UHRF2: variants seen among roughly 807,000 people sequenced by gnomAD.
The protein encoded by UHRF2 is ubiquitin like with PHD and ring finger domains 2.
A neutral mutation model predicts 96.8 loss-of-function variants in UHRF2; 23 were observed. The observed-to-expected ratio is 0.24, with a 90% CI of 0.17 to 0.34. The LOEUF is 0.34. Ranked by LOEUF, UHRF2 falls within the 10% of genes least tolerant of loss-of-function variation. UHRF2 has a pLI of 1.00. For missense variants in UHRF2, 685 were observed against 981.5 expected (o/e 0.70, Z 4.04); for synonymous variants, 385 against 332.6 (o/e 1.16, Z -1.72).
chr9:6,478,755 C>A (rs1175625316), intron 6 of UHRF2, among the ~76,000 whole-genome samples: 1 of 152,110 alleles, frequency 6.6e-6, no homozygotes, highest in African/African-American at 2.4e-5. Context: ...TTCCTTTGAT[C>A]TCTCCCTAAC....
At chr9:6,468,606 T>G in intron 4 of UHRF2, 3 of 456,040 alleles carry the variant, frequency 6.6e-6, no homozygotes, top group Non-Finnish European at 1.3e-5. Context: ...TCAGCAGAGT[T>G]TTTGGCAGAT....
chr9:6,475,836 C>G (rs1022123006), intron 5 of UHRF2, among the ~76,000 whole-genome samples: 1 of 152,084 alleles, frequency 6.6e-6, no homozygotes, highest in Non-Finnish European at 1.5e-5. Context: ...ATCTGGGAAA[C>G]TGGGATATTC....
intron 2 of UHRF2, among the ~76,000 whole-genome samples, chr9:6,429,837 C>A (rs1212959739): frequency 2.0e-5 from 3 of 152,064 alleles, no homozygotes; most frequent in Non-Finnish European, 4.4e-5. Context: ...AGAACTTGAA[C>A]CTAGGTTTAC....
chr9:6,480,832 C>A (rs1335701101), intron 6 of UHRF2, among the ~76,000 whole-genome samples: 1 of 152,158 alleles, frequency 6.6e-6, no homozygotes, highest in Non-Finnish European at 1.5e-5. Flanking sequence ...ATTTTTCTCT[C>A]CTATAGTGCT....
chr9:6,460,454 C>A, intron 3 of UHRF2, 119 bp from the exon 4 acceptor site: 1 of 805,264 alleles, frequency 1.2e-6, no homozygotes, highest in Non-Finnish European at 1.9e-6. Context: ...AAGGACACTT[C>A]AACCTATTTT....
chr9:6,470,032 A>G (rs552883815), intron 4 of UHRF2, among the ~76,000 whole-genome samples: 3 of 152,286 alleles, frequency 2.0e-5, no homozygotes, highest in South Asian at 4.1e-4. Context: ...ATTAGAAGCA[A>G]TTTAAGCTAG....
rs141305708 is a variant in UHRF2, at chr9:6,490,489, G to A, written c.1498-3337G>A. Among the ~76,000 whole-genome samples the A allele has an allele frequency of 4.0e-3, 602 of 152,248 alleles. 1 individual carries two copies. Among genetic ancestry groups the A allele is most frequent in the African/African-American group, 0.013 (547 of 41,554 alleles). On this transcript the variant is annotated intron_variant, in intron 9 of 15. Transcript: ENST00000276893. ...CTAAAAGTACAAAAATTACCCAGGC[G>A]TGGTGATGCATGCCTGTAATCCCAG... is the stretch of plus-strand genomic sequence containing the variant.
rs1027502863 is a variant in UHRF2, at chr9:6,497,185, T to C, written c.1605-13T>C. The C allele has an allele frequency of 6.2e-7, 1 of 1,611,514 alleles. No homozygotes were observed. ...AAATTACATGGTATAAAGACTTCTT[T>C]GTTGTTTTTTAGGGCATTGGCCCTA... On this transcript the variant is annotated splice_polypyrimidine_tract_variant and intron_variant, in intron 10 of 15. Coordinates refer to ENST00000276893, the MANE Select transcript of UHRF2 (RefSeq NM_152896.3).
chr9:6,417,377 A>G (rs1819668957), intron 1 of UHRF2, among the ~76,000 whole-genome samples: 1 of 152,188 alleles, frequency 6.6e-6, no homozygotes, highest in Admixed American at 6.5e-5. Context: ...ACATTGATGG[A>G]CCTAAGTTAC....
intron 2 of UHRF2, among the ~76,000 whole-genome samples, chr9:6,421,903 C>G (rs1819952815): frequency 6.6e-6 from 1 of 152,132 alleles, no homozygotes; most frequent in Non-Finnish European, 1.5e-5. Context: ...TACTTTTTCT[C>G]AGCATTGAAA....
chr9:6,443,360 T>C (rs907947984), intron 3 of UHRF2, among the ~76,000 whole-genome samples: 3 of 151,996 alleles, frequency 2.0e-5, no homozygotes, highest in African/African-American at 4.8e-5. Context: ...TGTTTTCTTA[T>C]GTGTAAAGTG....
At chr9:6,455,287 C>G (rs552631711) in intron 3 of UHRF2, among the ~76,000 whole-genome samples, 8 of 152,138 alleles carry the variant, frequency 5.3e-5, no homozygotes, top group Non-Finnish European at 1.2e-4. Context: ...ATCCCTCCCC[C>G]CTCTCTCCAC....
At chr9:6,482,503 A>G (rs1406827220) in intron 8 of UHRF2, among the ~76,000 whole-genome samples, 3 of 152,032 alleles carry the variant, frequency 2.0e-5, no homozygotes, top group Admixed American at 6.5e-5. Context: ...ATGCTAAGAC[A>G]TTGGGCAGAG....
chr9:6,470,167 A>C (rs746016208), intron 4 of UHRF2, among the ~76,000 whole-genome samples: 6 of 152,130 alleles, frequency 3.9e-5, no homozygotes, highest in Non-Finnish European at 5.9e-5. Flanking sequence ...GAGGTCAGGA[A>C]TTCAAGACCA....
chr9:6,428,638 C>A (rs1252340831), intron 2 of UHRF2, among the ~76,000 whole-genome samples: 2 of 145,316 alleles, frequency 1.4e-5, no homozygotes, highest in Non-Finnish European at 3.0e-5. Flanking sequence ...CAGCCCCAAC[C>A]TTCTGGGCTT....
At position 6,477,647 on chromosome 9, in the gene UHRF2, G is replaced by A; in HGVS notation, c.999G>A (p.Leu333=). Residue 333 remains leucine, a synonymous_variant, in exon 6 of 16, where the codon CTG becomes CTA. Coordinates refer to ENST00000276893, the MANE Select transcript of UHRF2 (RefSeq NM_152896.3). The part of the protein sequence containing the change: ...FLRRNDPECD[L]CGGDPEKKCH... Reference sequence around the variant, plus strand: ...GGCGAAATGACCCTGAATGTGACCTGTGTGGTGGAGACCCAGAAAAGAAAT... The same window carrying A: ...GGCGAAATGACCCTGAATGTGACCTATGTGGTGGAGACCCAGAAAAGAAAT... 2 of 1,613,754 alleles carry A rather than the reference G, an allele frequency of 1.2e-6. No homozygotes were observed. Among genetic ancestry groups the A allele is most frequent in the East Asian group, 2.2e-5 (1 of 44,872 alleles).
At chr9:6,423,763 G>A (rs544746234) in intron 2 of UHRF2, among the ~76,000 whole-genome samples, 1 of 151,960 alleles carries the variant, frequency 6.6e-6, no homozygotes, top group East Asian at 1.9e-4. Context: ...GGCCAAGATG[G>A]TGAAACCCCG....
intron 3 of UHRF2, among the ~76,000 whole-genome samples, chr9:6,457,063 A>T (rs1822225653): frequency 6.6e-6 from 1 of 152,170 alleles, no homozygotes; most frequent in African/African-American, 2.4e-5. Context: ...TGTCAGTTTG[A>T]TGGGGACAGC....
At chr9:6,498,229 A>T in intron 12 of UHRF2, 71 bp downstream of exon 12, 1 of 1,505,800 alleles carries the variant, frequency 6.6e-7, no homozygotes, top group Non-Finnish European at 9.0e-7. Flanking sequence ...ACATGCCTTA[A>T]CACTGGATAT....
Sources: gnomAD v4.1 joint callset for allele counts (sites outside exome capture counted in the v4.1 genomes callset) on GRCh38, gnomAD v4.1.1 for gene constraint, MANE v1.5 for transcripts, NCBI Gene and HGNC (gene_info 2026-07-23, HGNC 2026-07-21) for gene names.